Variants in SH3D19 observed in about 807,000 individuals in gnomAD.
SH3D19 encodes SH3 domain containing 19.
SH3D19 carries 58 observed loss-of-function variants against 112.1 expected under a neutral mutation model. The observed-to-expected ratio is 0.52, with a 90% CI of 0.42 to 0.64. SH3D19 has a LOEUF of 0.64. Ranked by LOEUF, SH3D19 falls within the 30% of genes least tolerant of loss-of-function variation. The pLI, the probability that SH3D19 is intolerant of heterozygous loss-of-function variation, is 0.00. For synonymous variants in SH3D19, 391 were observed against 448.5 expected (o/e 0.87, Z 1.62); for missense variants, 1,090 against 1,263.4 (o/e 0.86, Z 2.08).
At chr4:151,126,816 A>G (rs1275189866) in intron 19 of SH3D19, among the ~76,000 whole-genome samples, 4 of 151,108 alleles carry the variant, frequency 2.6e-5, no homozygotes, top group Non-Finnish European at 5.9e-5. Flanking sequence ...AAAAAAAAAA[A>G]AAGAAAAGAA....
At chr4:151,303,166 GT>G (rs1235845726) in intron 1 of SH3D19, among the ~76,000 whole-genome samples, 1 of 152,214 alleles carries the variant, frequency 6.6e-6, no homozygotes, top group East Asian at 1.9e-4. Context: ...GCTTTCAACA[GT>G]TTGGTTATAA....
chr4:151,310,916 C>T (rs1403379547), intron 1 of SH3D19, among the ~76,000 whole-genome samples: 2 of 151,428 alleles, frequency 1.3e-5, no homozygotes, highest in African/African-American at 2.4e-5. Context: ...CCCATGTTCA[C>T]TGCAGCATTA....
At chr4:151,311,555 T>C (rs1276031724) in intron 1 of SH3D19, among the ~76,000 whole-genome samples, 3 of 152,198 alleles carry the variant, frequency 2.0e-5, no homozygotes, top group Middle Eastern at 3.4e-3. Context: ...AAGCAGAGAA[T>C]AGGCTGGGCA....
chr4:151,236,063 C>T (rs1770009340), intron 1 of SH3D19, among the ~76,000 whole-genome samples: 1 of 152,250 alleles, frequency 6.6e-6, no homozygotes, highest in African/African-American at 2.4e-5. Flanking sequence ...CCCCTCCAAT[C>T]CAATCAGGTT....
chr4:151,180,620 A>G (rs1007845714), intron 3 of SH3D19, among the ~76,000 whole-genome samples: 1 of 151,174 alleles, frequency 6.6e-6, no homozygotes, highest in Non-Finnish European at 1.5e-5. Context: ...GTTAGCCAGG[A>G]TGGTCTCGAT....
At chr4:151,234,165 C>T (rs150743078) in intron 1 of SH3D19, among the ~76,000 whole-genome samples, 95 of 152,296 alleles carry the variant, frequency 6.2e-4, no homozygotes, top group African/African-American at 2.0e-3. Context: ...AAACAAAAAA[C>T]GCACAGGAAA....
intron 1 of SH3D19, among the ~76,000 whole-genome samples, chr4:151,307,999 G>A (rs544054146): frequency 7.4e-4 from 113 of 152,214 alleles, no homozygotes; most frequent in Admixed American, 5.3e-3. Context: ...TCCACCTCCC[G>A]GGTTCAAGTG....
intron 17 of SH3D19, among the ~76,000 whole-genome samples, chr4:151,130,911 G>C (rs1445278579): frequency 1.3e-5 from 2 of 151,148 alleles, no homozygotes; most frequent in Non-Finnish European, 2.9e-5. Flanking sequence ...CTGCACTCCA[G>C]CCTGGGCGAC....
chr4:151,159,355 G>A lies in SH3D19; in HGVS notation c.1643-3C>T. ...ACTTTGTGGATCCTCATGTAAACCT[G>A]GAAAAAGTAGCAGTAATTCATCAAT... On this transcript the variant is annotated splice_region_variant and splice_polypyrimidine_tract_variant and intron_variant, in intron 8 of 19. Coordinates refer to ENST00000604030, the MANE Select transcript of SH3D19 (RefSeq NM_001378122.1). 1.3e-6 allele frequency: 2 copies of A among 1,505,594 alleles called. No homozygotes were observed. Among genetic ancestry groups the A allele is most frequent in the Non-Finnish European group, 1.8e-6 (2 of 1,105,960 alleles). The allele number at this position is 1,505,594 out of a possible 1,614,324, so 93.3% of individuals were successfully genotyped here.
intron 2 of SH3D19, among the ~76,000 whole-genome samples, chr4:151,217,308 A>G (rs962563521): frequency 6.6e-6 from 1 of 152,210 alleles, no homozygotes; most frequent in African/African-American, 2.4e-5. Context: ...TAAAGTGTCA[A>G]AATAAAATCT....
chr4:151,324,086 G>C (rs1295237972), intron 1 of SH3D19, among the ~76,000 whole-genome samples: 1 of 152,174 alleles, frequency 6.6e-6, no homozygotes, highest in Non-Finnish European at 1.5e-5. Flanking sequence ...TGTTCATATA[G>C]ACAGCCAAAT....
intron 1 of SH3D19, among the ~76,000 whole-genome samples, chr4:151,281,703 C>T (rs184616152): frequency 1.1e-4 from 17 of 151,006 alleles, no homozygotes; most frequent in Non-Finnish European, 2.5e-4. Context: ...TTATTTTGTA[C>T]ATCTTATCAA....
intron 17 of SH3D19, among the ~76,000 whole-genome samples, chr4:151,130,297 G>A (rs921007764): frequency 6.6e-6 from 1 of 151,984 alleles, no homozygotes; most frequent in African/African-American, 2.4e-5. Context: ...AAAATTAGCT[G>A]GGAGTGGTGG....
intron 8 of SH3D19, among the ~76,000 whole-genome samples, chr4:151,162,728 C>G (rs2149802574): frequency 6.6e-6 from 1 of 151,368 alleles, no homozygotes; most frequent in East Asian, 2.0e-4. Flanking sequence ...GCGCATGCCA[C>G]CATGCCCGGC....
At chr4:151,209,903 GGTTA>G (rs1256582535) in intron 2 of SH3D19, among the ~76,000 whole-genome samples, 3 of 151,944 alleles carry the variant, frequency 2.0e-5, no homozygotes, top group African/African-American at 7.3e-5. Context: ...AACAGAAATG[GGTTA>G]AAAAATCTGA....
chr4:151,174,344 C>T (rs1452727975), intron 7 of SH3D19, among the ~76,000 whole-genome samples: 1 of 152,152 alleles, frequency 6.6e-6, no homozygotes, highest in Non-Finnish European at 1.5e-5. Context: ...GGAGCCAGCC[C>T]CACAACCTAT....
intron 1 of SH3D19, among the ~76,000 whole-genome samples, chr4:151,293,188 T>C (rs2150021051): frequency 6.6e-6 from 1 of 151,942 alleles, no homozygotes; most frequent in African/African-American, 2.4e-5. Context: ...AAGGGTAGAC[T>C]GGCCGGGTGT....
At position 151,137,881 on chromosome 4, in the gene SH3D19, G is replaced by C; in HGVS notation, c.2297-19C>G. On this transcript the variant is annotated intron_variant, in intron 13 of 19. Coordinates refer to ENST00000604030, the MANE Select transcript of SH3D19 (RefSeq NM_001378122.1). ...ACTTGCTCTGTAATATAAAATTATA[G>C]TTATGTATGATGAATCATCCTGGTT... 2 of 1,575,632 alleles carry C rather than the reference G, an allele frequency of 1.3e-6. No homozygotes were observed. Among genetic ancestry groups the C allele is most frequent in the African/African-American group, 2.7e-5 (2 of 72,844 alleles).
intron 9 of SH3D19, among the ~76,000 whole-genome samples, chr4:151,158,802 T>G (rs1756635332): frequency 6.6e-6 from 1 of 152,068 alleles, no homozygotes; most frequent in African/African-American, 2.4e-5. Context: ...AACACTATTT[T>G]TTAAATAAAA....
Sources: allele counts gnomAD v4.1 joint callset (sites outside exome capture counted in the v4.1 genomes callset), GRCh38; gene constraint gnomAD v4.1.1; transcripts MANE v1.5; gene names NCBI Gene and HGNC (gene_info 2026-07-23, HGNC 2026-07-21).